Variants in RAB7A observed in about 807,000 individuals in gnomAD.
RAB7A encodes RAB7A, member RAS oncogene family, also known as ras-related protein Rab-7a.
Under a neutral mutation model 24.5 loss-of-function variants are expected in RAB7A, and 2 were observed. The ratio of observed to expected loss-of-function variants is 0.08; its 90% CI spans 0.03 to 0.26. The LOEUF is 0.26. RAB7A is among the 10% of genes least tolerant of loss of function. RAB7A has a pLI of 1.00. For synonymous variants in RAB7A, 100 were observed against 95.9 expected (o/e 1.04, Z -0.25); for missense variants, 118 against 255.7 (o/e 0.46, Z 3.67).
At chr3:128,751,975 A>G (rs899556990) in intron 1 of RAB7A, among the ~76,000 whole-genome samples, 2 of 152,226 alleles carry the variant, frequency 1.3e-5, no homozygotes, top group Non-Finnish European at 2.9e-5. Context: ...GCCACCATAC[A>G]TAAGATGTGA....
At chr3:128,776,979 CACACACA>C (rs1559790048) in intron 1 of RAB7A, among the ~76,000 whole-genome samples, 12 of 151,940 alleles carry the variant, frequency 7.9e-5, no homozygotes, top group South Asian at 4.2e-4. Context: ...CACACACACA[CACACACA>C]CCCCTATTAG....
At chr3:128,810,111 G>C (rs912654146) in intron 5 of RAB7A, among the ~76,000 whole-genome samples, 10 of 151,338 alleles carry the variant, frequency 6.6e-5, no homozygotes, top group Non-Finnish European at 4.4e-5. Context: ...ACCATGCCCA[G>C]CTAATTTTGG....
chr3:128,807,617 G>T lies in RAB7A; in HGVS notation c.474G>T (p.Glu158Asp). The change falls in exon 5 of 6, where the codon GAG becomes GAT. Residue 158 changes from glutamate (E) to aspartate (D), a missense_variant. Transcript: ENST00000265062. ...NIPYFETSAK[E>D]AINVEQAFQT... ...CCTACTTTGAGACCAGTGCCAAGGA[G>T]GCCATCAACGTGGAGCAGGCGTTCC... 2 of 1,614,224 alleles carry T rather than the reference G, an allele frequency of 1.2e-6. No individual in the cohort carries two copies. Among genetic ancestry groups the T allele is most frequent in the East Asian group, 4.5e-5 (2 of 44,884 alleles).
intron 1 of RAB7A, among the ~76,000 whole-genome samples, chr3:128,790,964 A>C (rs568217492): frequency 6.6e-6 from 1 of 152,344 alleles, no homozygotes; most frequent in Admixed American, 6.5e-5. Context: ...CATGAATGCA[A>C]GTCTTTACAT....
Position 128,793,386 on chromosome 3 carries a change from C to T in RAB7A, c.-8-1974C>T, listed in dbSNP as rs1304405756. Among the ~76,000 whole-genome samples the T allele has an allele frequency of 3.3e-5, 5 of 151,922 alleles. No homozygotes were observed. In the East Asian group the frequency reaches 9.7e-4, roughly 29 times the overall value. Reference sequence around the variant, plus strand: ...GCCAGGCTGGTCTTGAACTCCTGACCTTGTGATCCACCCACCTCGGGCCTC... The same window carrying T: ...GCCAGGCTGGTCTTGAACTCCTGACTTTGTGATCCACCCACCTCGGGCCTC... On this transcript the variant is annotated intron_variant, in intron 1 of 5. Coordinates refer to ENST00000265062, the MANE Select transcript of RAB7A (RefSeq NM_004637.6).
intron 1 of RAB7A, among the ~76,000 whole-genome samples, chr3:128,746,627 C>G (rs2070618673): frequency 6.6e-6 from 1 of 152,102 alleles, no homozygotes; most frequent in Non-Finnish European, 1.5e-5. Flanking sequence ...CTCCCAGGTT[C>G]ATGCCATACT....
At chr3:128,787,685 A>G (rs934718153) in intron 1 of RAB7A, among the ~76,000 whole-genome samples, 4 of 152,214 alleles carry the variant, frequency 2.6e-5, no homozygotes, top group East Asian at 3.8e-4. Context: ...ACGGGAAACT[A>G]TAGAAATACT....
At chr3:128,792,553 C>T (rs1389078239) in intron 1 of RAB7A, among the ~76,000 whole-genome samples, 1 of 151,592 alleles carries the variant, frequency 6.6e-6, no homozygotes, top group South Asian at 2.1e-4. Context: ...ACTACAGGTG[C>T]GCACCACCAC....
chr3:128,799,782 A>G (rs750438687), intron 3 of RAB7A, among the ~76,000 whole-genome samples: 4 of 152,234 alleles, frequency 2.6e-5, no homozygotes, highest in Non-Finnish European at 5.9e-5. Context: ...CACTCTCCAC[A>G]TGTACAGAAA....
At chr3:128,754,679 C>A (rs2107593039) in intron 1 of RAB7A, among the ~76,000 whole-genome samples, 1 of 152,046 alleles carries the variant, frequency 6.6e-6, no homozygotes, top group Middle Eastern at 3.4e-3. Flanking sequence ...AGATGAAAGA[C>A]AAAAAAATTT....
intron 3 of RAB7A, chr3:128,798,835 A>G: frequency 3.9e-6 from 1 of 258,774 alleles, no homozygotes; most frequent in South Asian, 3.9e-5. Context: ...AAAAAAAAAA[A>G]AAAAAAAAAA....
rs557924992 is a variant in RAB7A at position 128,772,800 on chromosome 3, C to T, written c.-8-22560C>T. 1.1e-4 allele frequency among the ~76,000 whole-genome samples: 16 copies of T among 152,370 alleles called. No homozygotes were observed. In the East Asian group the frequency reaches 2.5e-3, roughly 24 times the overall value. On this transcript the variant is annotated intron_variant, in intron 1 of 5. Coordinates refer to ENST00000265062, the MANE Select transcript of RAB7A (RefSeq NM_004637.6). ...GGAGACGGGGTTTCGCTGTGTTGGC[C>T]GGGCTGGTCTCCAGCTCCTAACCGC...
chr3:128,764,965 T>C, intron 1 of RAB7A: 2 of 1,596,372 alleles, frequency 1.3e-6, no homozygotes, highest in East Asian at 2.2e-5. Flanking sequence ...GATGGCGGCC[T>C]CTGAGTCCTG....
At chr3:128,809,942 T>TC (rs1933889523) in intron 5 of RAB7A, among the ~76,000 whole-genome samples, 1 of 74,860 alleles carries the variant, frequency 1.3e-5, no homozygotes, top group Non-Finnish European at 2.9e-5. Flanking sequence ...CAGTCTTTTT[T>TC]TTTTTTTTTT....
intron 3 of RAB7A, among the ~76,000 whole-genome samples, chr3:128,804,427 C>T (rs573427790): frequency 2.0e-5 from 3 of 152,306 alleles, no homozygotes; most frequent in Non-Finnish European, 2.9e-5. Context: ...TTCACTTTCT[C>T]TTTGCTATTG....
At chr3:128,749,994 G>A (rs1163083770) in intron 1 of RAB7A, among the ~76,000 whole-genome samples, 2 of 152,220 alleles carry the variant, frequency 1.3e-5, no homozygotes, top group Non-Finnish European at 2.9e-5. Flanking sequence ...GGGTTTGGAG[G>A]GTTCAGAAGA....
intron 1 of RAB7A, among the ~76,000 whole-genome samples, chr3:128,793,047 G>A (rs369928036): frequency 9.8e-5 from 14 of 142,402 alleles, no homozygotes; most frequent in African/African-American, 3.2e-4. Flanking sequence ...TTTTTGAGAC[G>A]GAGTCTCGCT....
chr3:128,735,300 G>A lies in RAB7A; in HGVS notation c.-9+8941G>A, dbSNP rs115077110. Among the ~76,000 whole-genome samples, 333 of 152,306 alleles carry A rather than the reference G, an allele frequency of 2.2e-3. 5 individuals are homozygous for A. The highest frequency in any genetic ancestry group is 7.1e-3 in the African/African-American group (297 of 41,556). On this transcript the variant is annotated intron_variant, in intron 1 of 5. Transcript: ENST00000265062. ...GCATAAGTCAATGAATGGATGTAGG[G>A]ATTGCAGTAGCTCTAATTTGGGAAT...
chr3:128,772,095 A>G (rs1001618404), intron 1 of RAB7A, among the ~76,000 whole-genome samples: 4 of 152,230 alleles, frequency 2.6e-5, no homozygotes, highest in African/African-American at 9.6e-5. Context: ...CAGTTCAGGG[A>G]GAGTAGGACA....
Sources: gnomAD v4.1 joint callset for allele counts (sites outside exome capture counted in the v4.1 genomes callset) on GRCh38, gnomAD v4.1.1 for gene constraint, MANE v1.5 for transcripts, NCBI Gene and HGNC (gene_info 2026-07-23, HGNC 2026-07-21) for gene names.